Variants in DDX10 observed in about 807,000 individuals in gnomAD.
The protein encoded by DDX10 is probable ATP-dependent RNA helicase DDX10.
A neutral mutation model predicts 104.3 loss-of-function variants in DDX10; 74 were observed. That is an observed-to-expected ratio of 0.71 (90% CI 0.59 to 0.86). DDX10 has a LOEUF of 0.86. DDX10 is among the 40% of genes least tolerant of loss of function. The pLI is 0.00. For synonymous variants in DDX10, 351 were observed against 353.4 expected, an observed-to-expected ratio of 0.99 and a Z score of 0.08; for missense variants, 952 against 1,040.0, an observed-to-expected ratio of 0.92 and a Z score of 1.16.
At chr11:108,686,942 G>A (rs575013175) in intron 6 of DDX10, among the ~76,000 whole-genome samples, 8 of 152,114 alleles carry the variant, frequency 5.3e-5, no homozygotes, top group East Asian at 1.9e-4. Context: ...CCGCCACCAC[G>A]CCCGGCTACT....
In DDX10 at chr11:108,841,387, A is replaced by T; in HGVS notation, c.2158A>T (p.Ile720Phe). 6.2e-7 allele frequency: 1 copy of T among 1,613,938 alleles called. No homozygotes were observed. ...DAEEDDDTGG[I>F]NLHKAKERLQ... ...TGAGGAAGATGATGACACAGGTGGT[A>T]TCAACTTACATAAAGCAAAGGAAAG... The change falls in exon 15 of 18, where the codon ATC becomes TTC. Residue 720 changes from isoleucine (I) to phenylalanine (F), a missense_variant. Coordinates refer to ENST00000322536, the MANE Select transcript of DDX10 (RefSeq NM_004398.4).
At chr11:108,691,384 A>G (rs890476389) in intron 7 of DDX10, among the ~76,000 whole-genome samples, 1 of 152,234 alleles carries the variant, frequency 6.6e-6, no homozygotes, top group African/African-American at 2.4e-5. Flanking sequence ...ATTTATGGGT[A>G]CAAAAAGAGA....
chr11:108,759,644 GC>G, intron 13 of DDX10, among the ~76,000 whole-genome samples: 1 of 151,930 alleles, frequency 6.6e-6, no homozygotes, highest in Non-Finnish European at 1.5e-5. Context: ...CTGTTCTAGG[GC>G]TTTTAAAGAC....
intron 13 of DDX10, among the ~76,000 whole-genome samples, chr11:108,791,371 T>C (rs775457850): frequency 2.0e-4 from 30 of 152,220 alleles, no homozygotes; most frequent in Non-Finnish European, 3.5e-4. Flanking sequence ...CTGCCTACAT[T>C]AGAAAGTCAT....
chr11:108,665,553 C>T (rs893912245), intron 1 of DDX10, among the ~76,000 whole-genome samples: 1 of 151,786 alleles, frequency 6.6e-6, no homozygotes, highest in African/African-American at 2.4e-5. Flanking sequence ...GAAATGCGGC[C>T]GTACCTAAGG....
intron 13 of DDX10, among the ~76,000 whole-genome samples, chr11:108,835,768 G>A (rs1293760458): frequency 5.3e-5 from 8 of 151,850 alleles, no homozygotes; most frequent in Non-Finnish European, 1.5e-5. Context: ...TTGGCACCCT[G>A]TGCAGATGAA....
chr11:108,840,401 AC>A (rs1213706294), intron 14 of DDX10, among the ~76,000 whole-genome samples: 2 of 149,482 alleles, frequency 1.3e-5, no homozygotes, highest in African/African-American at 2.4e-5. Context: ...CTTTCTGGCA[AC>A]TAATTATTAG....
At chr11:108,726,562 A>G (rs1351897476) in intron 13 of DDX10, among the ~76,000 whole-genome samples, 2 of 151,996 alleles carry the variant, frequency 1.3e-5, no homozygotes. Context: ...CTGACCTGTT[A>G]GTTCTTGTGG....
rs2094226553 is a variant in DDX10, at chr11:108,677,134, G to C, written c.428G>C (p.Gly143Ala). 6.2e-7 allele frequency: 1 copy of C among 1,613,600 alleles called. No individual in the cohort carries two copies. The highest frequency in any genetic ancestry group is 1.3e-5 in the African/African-American group (1 of 74,926). The stretch of plus-strand genomic sequence containing the variant: ...CAATGGACTTCAACAGATGGGCTGG[G>C]GGTTCTCATAATATCACCTACGAGA... Reference protein sequence around the residue: ...RLQWTSTDGLGVLIISPTREL... With the variant: ...RLQWTSTDGLAVLIISPTREL... The change falls in exon 4 of 18, where the codon GGG becomes GCG. Residue 143 changes from glycine to alanine, a missense_variant. Gly to Ala is a moderately conservative substitution (Grantham distance 60). Coordinates refer to ENST00000322536, the MANE Select transcript of DDX10 (RefSeq NM_004398.4).
At chr11:108,799,220 C>G (rs1861985730) in intron 13 of DDX10, among the ~76,000 whole-genome samples, 1 of 152,148 alleles carries the variant, frequency 6.6e-6, no homozygotes, top group African/African-American at 2.4e-5. Context: ...ATTCCGAAGT[C>G]CTTAGCATGC....
At chr11:108,714,390 T>A (rs2094288616) in intron 10 of DDX10, among the ~76,000 whole-genome samples, 1 of 152,222 alleles carries the variant, frequency 6.6e-6, no homozygotes, top group South Asian at 2.1e-4. Context: ...GTTTGTCCTG[T>A]GTTGTCCATC....
intron 13 of DDX10, among the ~76,000 whole-genome samples, chr11:108,807,176 G>T (rs772954749): frequency 3.3e-5 from 5 of 151,984 alleles, no homozygotes; most frequent in Non-Finnish European, 7.4e-5. Flanking sequence ...GGAAAGAGAG[G>T]AATCCAGTAT....
intron 5 of DDX10, 139 bp from the exon 6 acceptor site, chr11:108,679,232 T>G: frequency 1.4e-6 from 1 of 702,566 alleles, no homozygotes; most frequent in African/African-American, 1.8e-5. Flanking sequence ...ATCATATAAA[T>G]TCCAGACTTT....
At position 108,918,090 on chromosome 11, in the gene DDX10, C is replaced by A. The variant is rs1565318560; in HGVS notation, c.2450+72C>A. The A allele has an allele frequency of 4.8e-6, 7 of 1,452,278 alleles. No homozygotes were observed. In the South Asian group the frequency reaches 8.2e-5, roughly 17 times the overall value. 90.0% of individuals were successfully genotyped at this position (1,452,278 alleles called of 1,614,324 possible). On this transcript the variant is annotated intron_variant, in intron 17 of 17. Coordinates refer to ENST00000322536, the MANE Select transcript of DDX10 (RefSeq NM_004398.4). ...TCAGTCTTTTAATGAATCCAAAAGA[C>A]ATTACTAAGAGTTCTACTCCAAGAG...
At position 108,940,524 on chromosome 11, in the gene DDX10, C is replaced by A; in HGVS notation, c.*101C>A. The A allele has an allele frequency of 8.2e-7, 1 of 1,213,260 alleles. No homozygotes were observed. Among genetic ancestry groups the A allele is most frequent in the Non-Finnish European group, 1.1e-6 (1 of 872,002 alleles). 75.2% of individuals were successfully genotyped at this position (1,213,260 alleles called of 1,614,324 possible). ...TGGGGGCACTTAGGTACCATATGCCCCATTCCCAAAGGGCACATTTCTGGA... is the reference window on the plus strand; with the variant it reads ...TGGGGGCACTTAGGTACCATATGCCACATTCCCAAAGGGCACATTTCTGGA... On this transcript the variant is annotated 3_prime_UTR_variant, in exon 18 of 18. Transcript: ENST00000322536.
At chr11:108,859,448 T>TAAA (rs11384911) in intron 16 of DDX10, among the ~76,000 whole-genome samples, 1 of 150,450 alleles carries the variant, frequency 6.6e-6, no homozygotes, top group Non-Finnish European at 1.5e-5. Flanking sequence ...GAGTAAGGTG[T>TAAA]AAAAAAAAAG....
intron 3 of DDX10, among the ~76,000 whole-genome samples, chr11:108,676,041 A>G (rs1393361137): frequency 6.6e-6 from 1 of 152,240 alleles, no homozygotes; most frequent in African/African-American, 2.4e-5. Context: ...TCTGTGCTGC[A>G]GTAGGACTGG....
intron 13 of DDX10, among the ~76,000 whole-genome samples, chr11:108,757,132 C>T (rs1196329616): frequency 1.3e-5 from 2 of 151,982 alleles, no homozygotes; most frequent in Non-Finnish European, 2.9e-5. Context: ...TCTCCCTTCT[C>T]TCCCCACAAA....
intron 13 of DDX10, among the ~76,000 whole-genome samples, chr11:108,759,017 G>C (rs2094347676): frequency 6.6e-6 from 1 of 151,942 alleles, no homozygotes; most frequent in South Asian, 2.1e-4. Flanking sequence ...AGTAGTCCTT[G>C]TTAGCTTTTG....
Sources: gnomAD v4.1 joint callset for allele counts (sites outside exome capture counted in the v4.1 genomes callset) on GRCh38, gnomAD v4.1.1 for gene constraint, MANE v1.5 for transcripts, NCBI Gene and HGNC (gene_info 2026-07-23, HGNC 2026-07-21) for gene names.